Variants in GUCY2C observed in about 807,000 individuals in gnomAD.
The protein encoded by GUCY2C is guanylyl cyclase C.
GUCY2C carries 118 observed loss-of-function variants against 131.1 expected under a neutral mutation model. That is an observed-to-expected ratio of 0.90 (90% CI 0.78 to 1.05). The LOEUF (loss-of-function observed/expected upper bound fraction) is 1.05. Among genes scored for constraint, GUCY2C ranks in the 50% least tolerant of loss-of-function variants. The probability of loss-of-function intolerance (pLI) is 0.00; values close to 1 mark genes in which losing one functional copy is unlikely to be tolerated. For synonymous variants in GUCY2C, 452 were observed against 457.8 expected (o/e 0.99, Z 0.16); for missense variants, 1,161 against 1,304.4 (o/e 0.89, Z 1.69).
rs760876233 is a variant in GUCY2C at position 14,696,441 on chromosome 12, G to A, written c.8C>T (p.Thr3Met). The change falls in exon 1 of 27, where the codon ACG becomes ATG. Residue 3 changes from threonine to methionine, a missense_variant. Thr to Met is a moderately conservative substitution (Grantham distance 81). Coordinates refer to ENST00000261170, the MANE Select transcript of GUCY2C (RefSeq NM_004963.4). ...CCACAAAGCCAAGTCCAACAGCAAC[G>A]TCTTCATGACCCCAATCACGTTAGA... is the stretch of plus-strand genomic sequence containing the variant. MK[T>M]LLLDLALWSL... 1.9e-6 allele frequency: 3 copies of A among 1,613,088 alleles called. No homozygotes were observed. The highest frequency in any genetic ancestry group is 1.1e-5 in the South Asian group (1 of 91,048).
chr12:14,670,352 C>T (rs200587211), intron 9 of GUCY2C, among the ~76,000 whole-genome samples: 3 of 151,470 alleles, frequency 2.0e-5, no homozygotes, highest in African/African-American at 7.2e-5. Context: ...TTTCTAATCT[C>T]TTCTATTCCT....
At position 14,660,972 on chromosome 12, in the gene GUCY2C, C is replaced by T. The variant is rs370590762; in HGVS notation, c.1364+9G>A. The T allele has an allele frequency of 1.9e-5, 30 of 1,589,076 alleles. No individual in the cohort carries two copies. Among genetic ancestry groups the T allele is most frequent in the Admixed American group, 1.2e-4 (7 of 59,940 alleles). On this transcript the variant is annotated intron_variant, in intron 11 of 26. Transcript: ENST00000261170. ...ATACCGAACACAGGCATGATAGAGG[C>T]GGCTGTACCTGAGCATCAGGAGAGC...
intron 7 of GUCY2C, among the ~76,000 whole-genome samples, chr12:14,676,175 T>C (rs1302666098): frequency 1.3e-5 from 2 of 152,204 alleles, no homozygotes; most frequent in African/African-American, 4.8e-5. Context: ...ATGCATCTAA[T>C]AGATTTAATC....
intron 1 of GUCY2C, among the ~76,000 whole-genome samples, chr12:14,690,160 C>G (rs1948549330): frequency 1.3e-5 from 2 of 152,220 alleles, no homozygotes; most frequent in Non-Finnish European, 2.9e-5. Flanking sequence ...GGATTTCACT[C>G]TGACTCACAC....
rs117894218 is a variant in GUCY2C, at chr12:14,691,294, G to C, written c.218-3231C>G. Among the ~76,000 whole-genome samples the C allele has an allele frequency of 2.9e-3, 442 of 152,336 alleles. 20 individuals carry two copies. In the East Asian group the frequency reaches 0.075, roughly 26 times the overall value. ...TTAGACCAGTCAGAGATATCTAATG[G>C]AAGAGAAGTGGGGAGTGATGGGTTT... On this transcript the variant is annotated intron_variant, in intron 1 of 26. Coordinates refer to ENST00000261170, the MANE Select transcript of GUCY2C (RefSeq NM_004963.4).
intron 24 of GUCY2C, 140 bp from the exon 25 acceptor site, chr12:14,616,867 A>G: frequency 1.5e-6 from 1 of 649,852 alleles, no homozygotes. Flanking sequence ...ATGAAAGAAC[A>G]CTTAAAAATA....
At chr12:14,677,373 T>C (rs552648293) in intron 6 of GUCY2C, among the ~76,000 whole-genome samples, 1 of 152,264 alleles carries the variant, frequency 6.6e-6, no homozygotes, top group African/African-American at 2.4e-5. Flanking sequence ...ACTTATGTTT[T>C]AGATGGTGAA....
chr12:14,658,467 A>C (rs557491531), intron 11 of GUCY2C, among the ~76,000 whole-genome samples: 8 of 152,216 alleles, frequency 5.3e-5, no homozygotes, highest in Non-Finnish European at 1.0e-4. Context: ...ACTAGAGGTC[A>C]GGAGTTGAGA....
At chr12:14,683,739 C>G (rs1284479934) in intron 3 of GUCY2C, among the ~76,000 whole-genome samples, 2 of 152,202 alleles carry the variant, frequency 1.3e-5, no homozygotes, top group African/African-American at 4.8e-5. Flanking sequence ...ACAGCATCCC[C>G]TTACATCTTC....
intron 16 of GUCY2C, 149 bp downstream of exon 16, chr12:14,645,080 C>T: frequency 1.9e-6 from 1 of 514,984 alleles, no homozygotes; most frequent in South Asian, 3.0e-5. Flanking sequence ...TTCACAAAAT[C>T]CTCATAACCT....
At chr12:14,629,928 A>G (rs1031034015) in intron 19 of GUCY2C, among the ~76,000 whole-genome samples, 5 of 152,132 alleles carry the variant, frequency 3.3e-5, no homozygotes, top group Non-Finnish European at 7.3e-5. Context: ...TAGTATAAGT[A>G]TGTCGCAAAT....
chr12:14,681,432 T>C lies in GUCY2C; in HGVS notation c.657A>G (p.Glu219=), dbSNP rs141752896. Residue 219 remains glutamate (E), a synonymous_variant, in exon 5 of 27, where the codon GAA becomes GAG. Transcript: ENST00000261170. The part of the protein sequence containing the change: ...LEASVSYFSH[E]LGFKVVLRQD... ...GTCTTAACACCACCTTAAAGCCGAG[T>C]TCGTGGGAGAAATAGGAAACGCTAG... 1.2e-6 allele frequency: 2 copies of C among 1,612,468 alleles called. No individual in the cohort carries two copies. Among genetic ancestry groups the C allele is most frequent in the African/African-American group, 1.3e-5 (1 of 74,968 alleles).
chr12:14,621,907 T>C (rs2136982430), intron 22 of GUCY2C, 98 bp downstream of exon 22: 1 of 754,930 alleles, frequency 1.3e-6, no homozygotes, highest in African/African-American at 1.9e-5. Flanking sequence ...AATGTGAAAC[T>C]AGAGCGGTCA....
intron 1 of GUCY2C, among the ~76,000 whole-genome samples, chr12:14,692,682 T>C (rs546374644): frequency 6.6e-6 from 1 of 152,268 alleles, no homozygotes; most frequent in South Asian, 2.1e-4. Context: ...ACCCCGTCTC[T>C]ACTAAAAATA....
intron 15 of GUCY2C, among the ~76,000 whole-genome samples, chr12:14,649,225 C>A (rs1947589005): frequency 6.6e-6 from 1 of 152,082 alleles, no homozygotes; most frequent in Non-Finnish European, 1.5e-5. Flanking sequence ...ACCCCCACCA[C>A]CCAGTAAAAA....
At chr12:14,616,993 G>C (rs946743077) in intron 24 of GUCY2C, among the ~76,000 whole-genome samples, 2 of 152,304 alleles carry the variant, frequency 1.3e-5, no homozygotes, top group Admixed American at 1.3e-4. Flanking sequence ...CTGGGTCACA[G>C]GGGTGGATCC....
At chr12:14,666,012 A>T (rs1315823973) in intron 10 of GUCY2C, 1 of 152,188 alleles carries the variant, frequency 6.6e-6, no homozygotes, top group Non-Finnish European at 1.5e-5. Context: ...ACCGGTAGAG[A>T]GGTAGGAGGG....
At chr12:14,679,516 G>A (rs1948305255) in intron 6 of GUCY2C, 141 bp downstream of exon 6, 1 of 588,750 alleles carries the variant, frequency 1.7e-6, no homozygotes, top group East Asian at 2.8e-5. Context: ...GAATGACAGT[G>A]TGACAGAGTT....
intron 15 of GUCY2C, among the ~76,000 whole-genome samples, chr12:14,649,393 T>C (rs1378535119): frequency 6.6e-6 from 1 of 152,206 alleles, no homozygotes; most frequent in Non-Finnish European, 1.5e-5. Context: ...TAGTTCTCAT[T>C]ATCTATATAA....
Sources: gnomAD v4.1 joint callset for allele counts (sites outside exome capture counted in the v4.1 genomes callset) on GRCh38, gnomAD v4.1.1 for gene constraint, MANE v1.5 for transcripts, NCBI Gene and HGNC (gene_info 2026-07-23, HGNC 2026-07-21) for gene names.